EDIL3: variants seen among roughly 807,000 people sequenced by gnomAD.
EDIL3 encodes the protein EGF like and discoidin domains 3.
A neutral mutation model predicts 67.4 loss-of-function variants in EDIL3; 37 were observed. That is an observed-to-expected ratio of 0.55 (90% CI 0.42 to 0.72). The LOEUF is 0.72. Among genes scored for constraint, EDIL3 ranks in the 30% least tolerant of loss-of-function variants. EDIL3 has a pLI of 0.00. For missense variants in EDIL3, 527 were observed against 586.3 expected (o/e 0.90, Z 1.04); for synonymous variants, 195 against 196.3 (o/e 0.99, Z 0.05).
chr5:84,154,912 C>T (rs1199341115), intron 4 of EDIL3, among the ~76,000 whole-genome samples: 1 of 151,966 alleles, frequency 6.6e-6, no homozygotes, highest in African/African-American at 2.4e-5. Flanking sequence ...GTTGACCAGG[C>T]TGGTCTTGAA....
chr5:84,053,279 T>C (rs559273750), intron 9 of EDIL3, among the ~76,000 whole-genome samples: 1 of 152,318 alleles, frequency 6.6e-6, no homozygotes, highest in South Asian at 2.1e-4. Flanking sequence ...AGACACAACT[T>C]ACCAGGATCT....
chr5:84,105,718 C>T (rs1051858085), intron 6 of EDIL3, among the ~76,000 whole-genome samples: 1 of 144,042 alleles, frequency 6.9e-6, no homozygotes, highest in African/African-American at 2.6e-5. Context: ...CACATCCCTC[C>T]AGCAACCTTT....
chr5:84,317,727 G>C (rs1746544614), intron 1 of EDIL3, among the ~76,000 whole-genome samples: 1 of 152,100 alleles, frequency 6.6e-6, no homozygotes, highest in Non-Finnish European at 1.5e-5. Context: ...GCAAAAACTG[G>C]AAGCATTCCC....
intron 3 of EDIL3, among the ~76,000 whole-genome samples, chr5:84,186,101 A>C (rs778089631): frequency 1.3e-5 from 2 of 152,106 alleles, no homozygotes; most frequent in Non-Finnish European, 2.9e-5. Flanking sequence ...AAGTGATAAT[A>C]AGCAGGCTAT....
intron 4 of EDIL3, among the ~76,000 whole-genome samples, chr5:84,138,698 A>G (rs956085539): frequency 2.6e-5 from 4 of 152,166 alleles, no homozygotes; most frequent in Non-Finnish European, 5.9e-5. Flanking sequence ...CCCTCCAGAA[A>G]GCAGAGTTGG....
At chr5:84,070,846 T>C (rs1727521733) in intron 6 of EDIL3, among the ~76,000 whole-genome samples, 2 of 152,124 alleles carry the variant, frequency 1.3e-5, no homozygotes, top group South Asian at 4.1e-4. Flanking sequence ...TAAGTGGAAA[T>C]TTGAGATCCC....
intron 9 of EDIL3, among the ~76,000 whole-genome samples, chr5:83,970,502 C>T (rs1744772834): frequency 6.7e-6 from 1 of 148,234 alleles, no homozygotes. Context: ...TTTTGTATGG[C>T]TAAAAAGATA....
At chr5:83,999,073 G>T (rs1023524453) in intron 9 of EDIL3, among the ~76,000 whole-genome samples, 3 of 152,130 alleles carry the variant, frequency 2.0e-5, no homozygotes, top group African/African-American at 7.2e-5. Context: ...AGGGTTACTA[G>T]GCTTGAGATG....
intron 9 of EDIL3, among the ~76,000 whole-genome samples, chr5:84,027,783 G>T (rs912109605): frequency 2.0e-5 from 3 of 151,978 alleles, no homozygotes; most frequent in African/African-American, 7.3e-5. Context: ...ATATTGCAGA[G>T]GCAATATGAG....
At chr5:84,216,674 ATACTC>A (rs1372697225) in intron 3 of EDIL3, among the ~76,000 whole-genome samples, 4 of 152,238 alleles carry the variant, frequency 2.6e-5, no homozygotes, top group Admixed American at 6.5e-5. Flanking sequence ...ATTAAGCAAA[ATACTC>A]TACATAGAGG....
intron 1 of EDIL3, among the ~76,000 whole-genome samples, chr5:84,313,036 T>C (rs896323935): frequency 5.9e-5 from 9 of 152,226 alleles, no homozygotes; most frequent in Non-Finnish European, 1.3e-4. Context: ...ATTATGTAAG[T>C]TACTAATAGA....
intron 3 of EDIL3, among the ~76,000 whole-genome samples, chr5:84,190,615 T>C (rs550014178): frequency 9.4e-5 from 14 of 148,376 alleles, no homozygotes; most frequent in Middle Eastern, 3.4e-3. Flanking sequence ...AATAAACAAA[T>C]ATCTGAGCCC....
chr5:83,971,700 A>G (rs1226976833), intron 9 of EDIL3, among the ~76,000 whole-genome samples: 1 of 152,014 alleles, frequency 6.6e-6, no homozygotes, highest in African/African-American at 2.4e-5. Context: ...ACTTAACTTG[A>G]AATGACAGAG....
At chr5:84,293,350 G>A (rs1004758859) in intron 1 of EDIL3, among the ~76,000 whole-genome samples, 2 of 152,128 alleles carry the variant, frequency 1.3e-5, no homozygotes, top group East Asian at 1.9e-4. Context: ...GTTGGGTAAC[G>A]TAAGATGGCA....
intron 5 of EDIL3, among the ~76,000 whole-genome samples, chr5:84,132,542 T>C (rs1561440882): frequency 8.3e-6 from 1 of 120,074 alleles, no homozygotes; most frequent in Non-Finnish European, 1.6e-5. Context: ...ATATTTTATA[T>C]ATAATATATA....
At chr5:83,968,765 A>G (rs1286151249) in intron 9 of EDIL3, among the ~76,000 whole-genome samples, 1 of 152,036 alleles carries the variant, frequency 6.6e-6, no homozygotes, top group Non-Finnish European at 1.5e-5. Context: ...TCAGCTTATA[A>G]CTATTAATTT....
chr5:84,073,311 A>G (rs373391177), intron 6 of EDIL3, among the ~76,000 whole-genome samples: 45 of 151,900 alleles, frequency 3.0e-4, no homozygotes, highest in African/African-American at 4.4e-4. Flanking sequence ...CTCTCTCACC[A>G]CTCCTATTCA....
intron 10 of EDIL3, among the ~76,000 whole-genome samples, chr5:83,961,285 C>G (rs962746726): frequency 6.6e-6 from 1 of 151,030 alleles, no homozygotes; most frequent in Non-Finnish European, 1.5e-5. Context: ...AAAATTTCCA[C>G]ATTCCTTTCT....
intron 1 of EDIL3, among the ~76,000 whole-genome samples, chr5:84,364,708 T>G (rs547642760): frequency 1.9e-3 from 283 of 152,078 alleles, no homozygotes; most frequent in African/African-American, 6.5e-3. Context: ...ATTAATATAT[T>G]ATATATACAT....
Sources: gnomAD v4.1 joint callset for allele counts (sites outside exome capture counted in the v4.1 genomes callset) on GRCh38, gnomAD v4.1.1 for gene constraint, MANE v1.5 for transcripts, NCBI Gene and HGNC (gene_info 2026-07-23, HGNC 2026-07-21) for gene names.